The following CLIC5 variants were observed in gnomAD, a reference collection of about 807,000 sequenced individuals.
The protein encoded by CLIC5 is CLIC family member 5.
A neutral mutation model predicts 24.7 loss-of-function variants in CLIC5; 20 were observed. The ratio of observed to expected loss-of-function variants is 0.81; its 90% confidence interval spans 0.57 to 1.18. The LOEUF (loss-of-function observed/expected upper bound fraction) is 1.18, where lower values mean the gene tolerates loss of function less well. Among genes scored for constraint, CLIC5 ranks in the 50% most tolerant of loss-of-function variants. The probability of loss-of-function intolerance (pLI) is 0.00; values close to 1 mark genes in which losing one functional copy is unlikely to be tolerated. For missense variants in CLIC5, 341 were observed against 326.1 expected (o/e 1.05, Z -0.35); for synonymous variants, 159 against 135.6 (o/e 1.17, Z -1.20).
At chr6:46,059,325 G>A (rs1164743665) in intron 1 of CLIC5, among the ~76,000 whole-genome samples, 1 of 152,206 alleles carries the variant, frequency 6.6e-6, no homozygotes, top group Non-Finnish European at 1.5e-5. Flanking sequence ...AGAAATATAA[G>A]TGTATGTGTT....
At position 45,919,894 on chromosome 6, in the gene CLIC5, A is replaced by C. The variant is rs546781349; in HGVS notation, c.407-5485T>G. On this transcript the variant is annotated intron_variant, in intron 4 of 5. Coordinates refer to ENST00000339561, the MANE Select transcript of CLIC5 (RefSeq NM_016929.5). ...CGTACTCAGAGTGACAGAGAGAAAA[A>C]AATGTTCAATCGATTAGCTCTATTA... Among the ~76,000 whole-genome samples, 12 of 152,306 alleles carry C rather than the reference A, an allele frequency of 7.9e-5. No homozygotes were observed. In the East Asian group the frequency reaches 2.1e-3, roughly 27 times the overall value.
At chr6:45,986,888 C>A (rs1288448267) in intron 1 of CLIC5, among the ~76,000 whole-genome samples, 1 of 152,226 alleles carries the variant, frequency 6.6e-6, no homozygotes, top group Non-Finnish European at 1.5e-5. Context: ...TTAAAGGAGT[C>A]TTGTGCAGGG....
intron 4 of CLIC5, among the ~76,000 whole-genome samples, chr6:45,925,946 A>T (rs920964880): frequency 6.6e-6 from 1 of 152,162 alleles, no homozygotes; most frequent in Non-Finnish European, 1.5e-5. Context: ...CAAACGACTC[A>T]GGTAGGACTG....
chr6:45,963,529 C>G (rs959099475), intron 1 of CLIC5, among the ~76,000 whole-genome samples: 1 of 152,102 alleles, frequency 6.6e-6, no homozygotes, highest in Admixed American at 6.5e-5. Flanking sequence ...CCTCTCAGCT[C>G]ACCACTCTTC....
intron 4 of CLIC5, among the ~76,000 whole-genome samples, chr6:45,935,137 T>C (rs1245601319): frequency 1.3e-5 from 2 of 152,110 alleles, no homozygotes; most frequent in Admixed American, 6.5e-5. Context: ...AGATTGAGGG[T>C]AAGAAATGCA....
intron 4 of CLIC5, among the ~76,000 whole-genome samples, chr6:45,919,374 T>C (rs1158039057): frequency 2.0e-5 from 3 of 152,054 alleles, no homozygotes; most frequent in Non-Finnish European, 4.4e-5. Context: ...AGAGTAACCA[T>C]GGGGATGCTG....
chr6:46,092,633 TTGTGTG>T, the CLIC5 span, among the ~76,000 whole-genome samples: 2 of 151,168 alleles, frequency 1.3e-5, no homozygotes, highest in Non-Finnish European at 3.0e-5. Context: ...TTATTCCCTT[TTGTGTG>T]TGTGTGTGTG....
At chr6:46,006,849 T>G (rs1766604322) in intron 1 of CLIC5, among the ~76,000 whole-genome samples, 1 of 151,840 alleles carries the variant, frequency 6.6e-6, no homozygotes, top group African/African-American at 2.4e-5. Flanking sequence ...CTAATTTTTT[T>G]GTATTTTGCT....
intron 2 of CLIC5, among the ~76,000 whole-genome samples, chr6:45,952,021 G>A (rs3777588): frequency 0.5 from 76,532 of 152,036 alleles, 21,280 homozygotes; most frequent in Non-Finnish European, 0.63. Context: ...ACAATGAAAG[G>A]ACATTCTTTA....
At chr6:45,896,072 T>C (rs551030589), downstream of CLIC5, among the ~76,000 whole-genome samples, 4 of 152,330 alleles carry the variant, frequency 2.6e-5, no homozygotes, top group East Asian at 7.7e-4. Context: ...TGAACCCAAT[T>C]GCAGGGCCTC....
intron 5 of CLIC5, among the ~76,000 whole-genome samples, chr6:45,913,189 A>G (rs1233811892): frequency 6.6e-6 from 1 of 152,228 alleles, no homozygotes; most frequent in Non-Finnish European, 1.5e-5. Flanking sequence ...CCACCATCAC[A>G]CTTTAAAAAG....
chr6:45,909,779 T>C (rs1762766053), intron 5 of CLIC5, among the ~76,000 whole-genome samples: 1 of 152,238 alleles, frequency 6.6e-6, no homozygotes, highest in South Asian at 2.1e-4. Context: ...TTGTATGGTA[T>C]CTCACAGGTG....
At chr6:45,952,558 T>C (rs1200986346) in intron 2 of CLIC5, among the ~76,000 whole-genome samples, 1 of 152,228 alleles carries the variant, frequency 6.6e-6, no homozygotes, top group East Asian at 1.9e-4. Flanking sequence ...TCTGAAAAGT[T>C]CAAGATTATT....
intron 1 of CLIC5, among the ~76,000 whole-genome samples, chr6:45,984,513 C>T (rs900163690): frequency 6.6e-6 from 1 of 152,270 alleles, no homozygotes; most frequent in East Asian, 1.9e-4. Flanking sequence ...GTACTAAGTG[C>T]CCCGCCTCCA....
intron 1 of CLIC5, among the ~76,000 whole-genome samples, chr6:45,975,686 C>T (rs1466191609): frequency 6.6e-6 from 1 of 152,044 alleles, no homozygotes; most frequent in Non-Finnish European, 1.5e-5. Context: ...TATCAGATTA[C>T]AAAGAACAAG....
At chr6:46,041,161 G>C (rs1767797049) in intron 1 of CLIC5, among the ~76,000 whole-genome samples, 1 of 152,200 alleles carries the variant, frequency 6.6e-6, no homozygotes, top group Non-Finnish European at 1.5e-5. Flanking sequence ...AAAGCTATGT[G>C]TTCAGAGAGT....
downstream of CLIC5, among the ~76,000 whole-genome samples, chr6:45,898,060 T>A (rs1163066792): frequency 6.6e-6 from 1 of 152,182 alleles, no homozygotes; most frequent in Non-Finnish European, 1.5e-5. Flanking sequence ...TGCTTTTGAT[T>A]TTTTTGTTTT....
chr6:45,984,777 T>C (rs1481793959), intron 1 of CLIC5, among the ~76,000 whole-genome samples: 2 of 152,088 alleles, frequency 1.3e-5, no homozygotes, highest in Non-Finnish European at 2.9e-5. Flanking sequence ...AAATCACTAA[T>C]GAAGAATTCA....
intron 6 of CLIC5, among the ~76,000 whole-genome samples, chr6:45,885,183 G>A (rs1762295186): frequency 6.6e-6 from 1 of 152,078 alleles, no homozygotes; most frequent in Non-Finnish European, 1.5e-5. Flanking sequence ...GCCTTTGAGA[G>A]GAGGAGCTCT....
Sources: allele counts gnomAD v4.1 joint callset (sites outside exome capture counted in the v4.1 genomes callset), GRCh38; gene constraint gnomAD v4.1.1; transcripts MANE v1.5; gene names NCBI Gene and HGNC (gene_info 2026-07-23, HGNC 2026-07-21).